The following STK24 variants were observed in gnomAD, a reference collection of about 807,000 sequenced individuals.
STK24 encodes the protein serine/threonine kinase 24.
STK24 carries 21 observed loss-of-function variants against 55.6 expected under a neutral mutation model. The ratio of observed to expected loss-of-function variants is 0.38; its 90% CI spans 0.27 to 0.54. STK24 has a LOEUF of 0.54. STK24 is among the 20% of genes least tolerant of loss of function. The probability of loss-of-function intolerance (pLI) is 0.79; values close to 1 mark genes in which losing one functional copy is unlikely to be tolerated. For missense variants in STK24, 383 were observed against 538.4 expected, an observed-to-expected ratio of 0.71 and a Z score of 2.86; for synonymous variants, 200 against 215.2, an observed-to-expected ratio of 0.93 and a Z score of 0.62.
At chr13:98,491,691 C>CA (rs11285292) in intron 2 of STK24, among the ~76,000 whole-genome samples, 30,481 of 132,632 alleles carry the variant, frequency 0.23, 3,368 homozygotes, top group Admixed American at 0.26. Flanking sequence ...ATTACTAAGC[C>CA]AAAAAAAAAA....
intron 2 of STK24, among the ~76,000 whole-genome samples, chr13:98,500,705 C>T (rs1895424226): frequency 6.7e-6 from 1 of 150,354 alleles, no homozygotes; most frequent in East Asian, 2.0e-4. Context: ...CTCGCCCCTT[C>T]CTTCCCCTCC....
Position 98,576,790 on chromosome 13 carries a change from G to T in STK24, c.-4C>A, listed in dbSNP as rs1185225291. The T allele has an allele frequency of 2.1e-6, 3 of 1,413,334 alleles. No individual in the cohort carries two copies. Among genetic ancestry groups the T allele is most frequent in the Non-Finnish European group, 2.8e-6 (3 of 1,081,308 alleles). 87.5% of individuals were successfully genotyped at this position (1,413,334 alleles called of 1,614,324 possible). ...ACTGCACCGGGGAGTGAGCCATGGC[G>T]CTCAGGACGGCCACTTCCTGGGACG... On this transcript the variant is annotated 5_prime_UTR_variant, in exon 1 of 11. Transcript: ENST00000539966.
Position 98,475,279 on chromosome 13 carries a change from G to A in STK24, c.410C>T (p.Ser137Leu), listed in dbSNP as rs769632212. 1.1e-5 allele frequency: 17 copies of A among 1,612,446 alleles called. No individual in the cohort carries two copies. The highest frequency in any genetic ancestry group is 5.5e-5 in the South Asian group (5 of 90,748). ...EILKGLDYLH[S>L]EKKIHRDIKA... ...AATGTCTCTGTGGATTTTCTTCTCC[G>A]AATGGAGATAATCGAGTCCTTTCAG... Residue 137 changes from serine (S) to leucine (L), a missense_variant, in exon 4 of 11, where the codon TCG becomes TTG. Ser to Leu is a moderately radical substitution (Grantham distance 145, BLOSUM62 -2). Coordinates refer to ENST00000539966, the MANE Select transcript of STK24 (RefSeq NM_001032296.4).
chr13:98,535,804 G>A (rs1192664583), intron 1 of STK24, among the ~76,000 whole-genome samples: 4 of 152,206 alleles, frequency 2.6e-5, no homozygotes, highest in Admixed American at 2.6e-4. Flanking sequence ...GCTTCACAGG[G>A]TGCCTGACTC....
At position 98,502,271 on chromosome 13, in the gene STK24, G is replaced by A. The variant is rs555466607; in HGVS notation, c.273+16972C>T. On this transcript the variant is annotated intron_variant, in intron 2 of 10. Transcript: ENST00000539966. ...ATGTTCCTATCTGCGTTCCTGGCCCGAAGCAGAGCAGCTGGGTCCAGTAAA... is the reference window on the plus strand; with the variant it reads ...ATGTTCCTATCTGCGTTCCTGGCCCAAAGCAGAGCAGCTGGGTCCAGTAAA... Among the ~76,000 whole-genome samples the A allele has an allele frequency of 1.6e-4, 24 of 152,302 alleles. No individual in the cohort carries two copies. In the East Asian group the frequency reaches 3.7e-3, roughly 23 times the overall value.
chr13:98,517,132 A>G (rs1396477363), intron 2 of STK24, among the ~76,000 whole-genome samples: 1 of 152,252 alleles, frequency 6.6e-6, no homozygotes, highest in Non-Finnish European at 1.5e-5. Flanking sequence ...AAATCACCAA[A>G]TATTTGTCAG....
rs569765352 is a variant in STK24, at chr13:98,493,082, T to G, written c.274-10761A>C. Among the ~76,000 whole-genome samples, 15 of 152,350 alleles carry G rather than the reference T, an allele frequency of 9.8e-5. No individual in the cohort carries two copies. In the East Asian group the frequency reaches 2.9e-3, roughly 29 times the overall value. On this transcript the variant is annotated intron_variant, in intron 2 of 10. Transcript: ENST00000539966. ...ATTTATGAAAACAATTGCCTGTAAT[T>G]TGAAAGGTTTACGTGCCTCATTCCA... is the stretch of plus-strand genomic sequence containing the variant.
At position 98,463,692 on chromosome 13, in the gene STK24, C is replaced by A. The variant is rs753779424; in HGVS notation, c.928G>T (p.Ala310Ser). Residue 310 changes from alanine (A) to serine (S), a missense_variant and splice_region_variant, in exon 7 of 11, where the codon GCG becomes TCG. By Grantham distance (99) the Ala-to-Ser change is moderately conservative. Transcript: ENST00000539966. Reference protein sequence around the residue: ...HDDSSSEDSDAETDGQASGGS... With the variant: ...HDDSSSEDSDSETDGQASGGS... ...TGGGTCACTCAGGGGCCGACTTACGCGTCGGAATCCTCGGAGCTCGAGTCG... is the reference window on the plus strand; with the variant it reads ...TGGGTCACTCAGGGGCCGACTTACGAGTCGGAATCCTCGGAGCTCGAGTCG... The A allele has an allele frequency of 6.2e-7, 1 of 1,613,254 alleles. No individual in the cohort carries two copies. Among genetic ancestry groups the A allele is most frequent in the Non-Finnish European group, 8.5e-7 (1 of 1,179,510 alleles).
chr13:98,562,014 C>T (rs1293174336), intron 1 of STK24, among the ~76,000 whole-genome samples: 1 of 150,246 alleles, frequency 6.7e-6, no homozygotes, highest in African/African-American at 2.4e-5. Context: ...ATGTGACACG[C>T]CTTGTATTAA....
intron 3 of STK24, among the ~76,000 whole-genome samples, chr13:98,478,398 C>T (rs535879486): frequency 2.4e-4 from 36 of 152,234 alleles, no homozygotes; most frequent in Non-Finnish European, 4.7e-4. Context: ...GTGACTAAGA[C>T]CTCGCCAGTG....
intron 1 of STK24, among the ~76,000 whole-genome samples, chr13:98,535,067 G>A (rs964284822): frequency 1.3e-5 from 2 of 152,178 alleles, no homozygotes; most frequent in Non-Finnish European, 2.9e-5. Context: ...ATATGCAACG[G>A]GCCAGGCGTG....
At chr13:98,552,985 G>A (rs983937202) in intron 1 of STK24, among the ~76,000 whole-genome samples, 10 of 152,000 alleles carry the variant, frequency 6.6e-5, no homozygotes, top group African/African-American at 1.2e-4. Context: ...ACATGTCAAC[G>A]CAGGCTCATC....
intron 2 of STK24, among the ~76,000 whole-genome samples, chr13:98,491,968 C>T (rs1341131123): frequency 3.3e-5 from 5 of 151,920 alleles, no homozygotes; most frequent in Non-Finnish European, 5.9e-5. Context: ...CAGAATTAGA[C>T]AATTTCAATA....
intron 1 of STK24, among the ~76,000 whole-genome samples, chr13:98,529,540 C>G (rs1896524608): frequency 1.3e-5 from 2 of 152,172 alleles, no homozygotes; most frequent in Non-Finnish European, 1.5e-5. Flanking sequence ...CCTCACTTAC[C>G]CTCTTGTCAT....
rs1897914428 is a variant in STK24, at chr13:98,576,842, C to G, written c.-56G>C. On this transcript the variant is annotated 5_prime_UTR_variant, in exon 1 of 11. Coordinates refer to ENST00000539966, the MANE Select transcript of STK24 (RefSeq NM_001032296.4). ...GACGGCCGGGCCGCGACGATCCGCG[C>G]GGGGCGGCGAGGCCCGCGGGCCGCG... The G allele has an allele frequency of 1.8e-6, 2 of 1,088,078 alleles. No homozygotes were observed. Among genetic ancestry groups the G allele is most frequent in the Non-Finnish European group, 2.2e-6 (2 of 897,088 alleles). 67.4% of individuals were successfully genotyped at this position (1,088,078 alleles called of 1,614,324 possible).
chr13:98,485,548 T>C (rs1333533810), intron 2 of STK24, among the ~76,000 whole-genome samples: 6 of 152,204 alleles, frequency 3.9e-5, no homozygotes, highest in Admixed American at 3.9e-4. Context: ...TAAGCCATAA[T>C]TTCTAATCTT....
rs537529065 is a variant in STK24 at position 98,485,991 on chromosome 13, G to T, written c.274-3670C>A. Among the ~76,000 whole-genome samples, 6 of 152,274 alleles carry T rather than the reference G, an allele frequency of 3.9e-5. 1 individual carries two copies. The South Asian group carries it at 1.2e-3, about 32-fold the overall frequency. On this transcript the variant is annotated intron_variant, in intron 2 of 10. Transcript: ENST00000539966. ...CTTCCCACAGAAATGGGAGGAAGCG[G>T]AAGAGGAGCAGGGACAGGAACACAT...
intron 1 of STK24, among the ~76,000 whole-genome samples, chr13:98,545,773 G>A (rs1025785589): frequency 3.1e-4 from 47 of 152,042 alleles, no homozygotes; most frequent in African/African-American, 1.1e-3. Context: ...AGCTAAAAGC[G>A]GCAAATGTCT....
chr13:98,500,489 G>C (rs1326625980), intron 2 of STK24, among the ~76,000 whole-genome samples: 1 of 152,154 alleles, frequency 6.6e-6, no homozygotes, highest in African/African-American at 2.4e-5. Flanking sequence ...AGTCCCAAAA[G>C]CTCTGAGAAT....
Sources: allele counts gnomAD v4.1 joint callset (sites outside exome capture counted in the v4.1 genomes callset), GRCh38; gene constraint gnomAD v4.1.1; transcripts MANE v1.5; gene names NCBI Gene and HGNC (gene_info 2026-07-23, HGNC 2026-07-21).